SPATA17: variants seen among roughly 807,000 people sequenced by gnomAD.
SPATA17 encodes the protein spermatogenesis-associated protein 17.
SPATA17 carries 53 observed loss-of-function variants against 62.2 expected under a neutral mutation model. The observed-to-expected ratio is 0.85, with a 90% confidence interval of 0.68 to 1.07. The LOEUF (loss-of-function observed/expected upper bound fraction) is 1.07. Ranked by LOEUF, SPATA17 falls within the 50% of genes least tolerant of loss-of-function variation. The probability of loss-of-function intolerance (pLI) is 0.00; values close to 1 mark genes in which losing one functional copy is unlikely to be tolerated. For missense variants in SPATA17, 466 were observed against 425.5 expected, an observed-to-expected ratio of 1.10 and a Z score of -0.84; for synonymous variants, 146 against 146.8, an observed-to-expected ratio of 0.99 and a Z score of 0.04.
chr1:217,685,573 A>T (rs1224523570), intron 5 of SPATA17, among the ~76,000 whole-genome samples: 2 of 152,186 alleles, frequency 1.3e-5, no homozygotes, highest in Non-Finnish European at 1.5e-5. Flanking sequence ...ATCTATTGAA[A>T]TAATTATATA....
At chr1:217,656,872 T>A (rs1670456153) in intron 3 of SPATA17, among the ~76,000 whole-genome samples, 1 of 152,196 alleles carries the variant, frequency 6.6e-6, no homozygotes, top group Admixed American at 6.5e-5. Context: ...CTATTACTGT[T>A]ATGTGGAGAA....
chr1:217,698,960 G>A (rs1199161881), intron 5 of SPATA17, among the ~76,000 whole-genome samples: 1 of 152,130 alleles, frequency 6.6e-6, no homozygotes, highest in Non-Finnish European at 1.5e-5. Flanking sequence ...TATATAAATG[G>A]AGTGATACTG....
At chr1:217,733,828 C>G (rs530231521) in intron 5 of SPATA17, among the ~76,000 whole-genome samples, 5 of 152,216 alleles carry the variant, frequency 3.3e-5, no homozygotes, top group African/African-American at 1.2e-4. Context: ...AGTTTCAACT[C>G]TATATTTCAG....
intron 1 of SPATA17, among the ~76,000 whole-genome samples, chr1:217,635,079 C>T (rs1669906973): frequency 6.6e-6 from 1 of 152,158 alleles, no homozygotes; most frequent in African/African-American, 2.4e-5. Flanking sequence ...TCATGTTGTT[C>T]ATTTTCCCCA....
At chr1:217,765,401 A>G (rs1673275032) in intron 6 of SPATA17, among the ~76,000 whole-genome samples, 1 of 151,860 alleles carries the variant, frequency 6.6e-6, no homozygotes, top group Admixed American at 6.6e-5. Flanking sequence ...TATGCATTCA[A>G]TGCAATAAAT....
At position 217,825,462 on chromosome 1, in the gene SPATA17, C is replaced by T. The variant is rs575287426; in HGVS notation, c.1005+23612C>T. ...TAGCTGCATTTCATTCTTTTTCACT[C>T]GTGTAAAATATTCTACACATGAATT... On this transcript the variant is annotated intron_variant, in intron 9 of 10. Transcript: ENST00000366933. Among the ~76,000 whole-genome samples the T allele has an allele frequency of 1.2e-3, 177 of 151,810 alleles. 1 individual carries two copies. Among genetic ancestry groups the T allele is most frequent in the Non-Finnish European group, 1.7e-3 (118 of 67,816 alleles).
At chr1:217,762,066 C>T (rs1410529496) in intron 6 of SPATA17, among the ~76,000 whole-genome samples, 1 of 152,064 alleles carries the variant, frequency 6.6e-6, no homozygotes, top group Admixed American at 6.6e-5. Flanking sequence ...TCCTGCTTCT[C>T]CTCCCTCACT....
rs1182834145 is a variant in SPATA17, at chr1:217,802,999, G to A, written c.1005+1149G>A. ...GCAATCTTGGCTCACTGCAACCTCC[G>A]CCCCTCAGATTCAAGTGATTCTCCT... On this transcript the variant is annotated intron_variant, in intron 9 of 10. Transcript: ENST00000366933. Among the ~76,000 whole-genome samples, 13 of 152,006 alleles carry A rather than the reference G, an allele frequency of 8.6e-5. No individual in the cohort carries two copies. In the South Asian group the frequency reaches 1.9e-3, roughly 22 times the overall value.
At chr1:217,683,404 A>T in intron 5 of SPATA17, 43 bp downstream of exon 5, 1 of 1,250,988 alleles carries the variant, frequency 8.0e-7, no homozygotes, top group East Asian at 2.4e-5. Flanking sequence ...AACTTTGGAA[A>T]GATTACTCAA....
intron 1 of SPATA17, among the ~76,000 whole-genome samples, chr1:217,647,906 A>G (rs1265995362): frequency 2.0e-5 from 3 of 152,054 alleles, no homozygotes; most frequent in East Asian, 3.9e-4. Flanking sequence ...TATTTTTAGT[A>G]GAAACGGAGT....
chr1:217,858,750 C>T (rs764910076), intron 9 of SPATA17, among the ~76,000 whole-genome samples: 32 of 152,114 alleles, frequency 2.1e-4, no homozygotes, highest in East Asian at 5.8e-4. Context: ...AAAATTATAG[C>T]CGGGCGTGGT....
intron 6 of SPATA17, among the ~76,000 whole-genome samples, chr1:217,756,659 A>C (rs1351370940): frequency 1.3e-5 from 2 of 152,194 alleles, no homozygotes; most frequent in Non-Finnish European, 2.9e-5. Flanking sequence ...CAGTTTCTTC[A>C]GAGATCAGGA....
At chr1:217,743,798 G>A (rs1672680476) in intron 6 of SPATA17, among the ~76,000 whole-genome samples, 1 of 151,978 alleles carries the variant, frequency 6.6e-6, no homozygotes, top group Admixed American at 6.6e-5. Flanking sequence ...TAATAGAGAT[G>A]AGGTTTCACC....
At chr1:217,734,886 G>T (rs1448830649) in intron 5 of SPATA17, among the ~76,000 whole-genome samples, 1 of 152,126 alleles carries the variant, frequency 6.6e-6, no homozygotes, top group East Asian at 1.9e-4. Context: ...GTCTGAGAAA[G>T]TGCATTTTTA....
chr1:217,864,611 CTG>C (rs1291661951), intron 10 of SPATA17, among the ~76,000 whole-genome samples: 1 of 151,760 alleles, frequency 6.6e-6, no homozygotes, highest in African/African-American at 2.4e-5. Context: ...TGTTGCAAAA[CTG>C]TTAATGGTGG....
chr1:217,651,194 A>G lies in SPATA17; in HGVS notation c.240+16A>G. 1 of 1,563,246 alleles carries G rather than the reference A, an allele frequency of 6.4e-7. No individual in the cohort carries two copies. Among genetic ancestry groups the G allele is most frequent in the Non-Finnish European group, 8.7e-7 (1 of 1,145,396 alleles). Reference sequence around the variant, plus strand: ...AACTGTGCAGGTAAATATAAAATGTACATATGTTAGCATTTGAATTGTACA... The same window carrying G: ...AACTGTGCAGGTAAATATAAAATGTGCATATGTTAGCATTTGAATTGTACA... On this transcript the variant is annotated intron_variant, in intron 3 of 10. Coordinates refer to ENST00000366933, the MANE Select transcript of SPATA17 (RefSeq NM_138796.4).
chr1:217,689,984 A>G (rs1189056526), intron 5 of SPATA17, among the ~76,000 whole-genome samples: 5 of 151,608 alleles, frequency 3.3e-5, no homozygotes, highest in African/African-American at 7.3e-5. Flanking sequence ...GCTCACTGCA[A>G]TCTCCGCCTC....
Position 217,829,157 on chromosome 1 carries a change from A to G in SPATA17, c.1005+27307A>G, listed in dbSNP as rs1267065958. On this transcript the variant is annotated intron_variant, in intron 9 of 10. Coordinates refer to ENST00000366933, the MANE Select transcript of SPATA17 (RefSeq NM_138796.4). ...TCTGCATTTCTACATTCATTGCAGC[A>G]TTATTCACAATAGCCAAGATATGGA... Among the ~76,000 whole-genome samples, 3 of 152,184 alleles carry G rather than the reference A, an allele frequency of 2.0e-5. No individual in the cohort carries two copies. The East Asian group carries it at 5.8e-4, about 29-fold the overall frequency.
intron 9 of SPATA17, among the ~76,000 whole-genome samples, chr1:217,834,967 A>C (rs555937090): frequency 1.3e-5 from 2 of 152,270 alleles, no homozygotes; most frequent in Admixed American, 6.5e-5. Flanking sequence ...AGATACTTAT[A>C]ATAGTGTTAC....
Sources: gnomAD v4.1 joint callset for allele counts (sites outside exome capture counted in the v4.1 genomes callset) on GRCh38, gnomAD v4.1.1 for gene constraint, MANE v1.5 for transcripts, NCBI Gene and HGNC (gene_info 2026-07-23, HGNC 2026-07-21) for gene names.